CPEB1: variants seen among roughly 807,000 people sequenced by gnomAD.
CPEB1 encodes the protein cytoplasmic polyadenylation element-binding protein 1.
CPEB1 carries 7 observed loss-of-function variants against 65.8 expected under a neutral mutation model. That is an observed-to-expected ratio of 0.11 (90% CI 0.06 to 0.20). The LOEUF (loss-of-function observed/expected upper bound fraction) is 0.20, where lower values mean the gene tolerates loss of function less well. Among genes scored for constraint, CPEB1 ranks in the 10% least tolerant of loss-of-function variants. CPEB1 has a pLI of 1.00. For missense variants in CPEB1, 551 were observed against 712.2 expected, an observed-to-expected ratio of 0.77 and a Z score of 2.58; for synonymous variants, 262 against 260.0, an observed-to-expected ratio of 1.01 and a Z score of -0.08.
chr15:82,578,487 G>A (rs775567244), intron 3 of CPEB1, among the ~76,000 whole-genome samples: 8 of 152,138 alleles, frequency 5.3e-5, no homozygotes, highest in Non-Finnish European at 8.8e-5. Context: ...CAAGTTGGTG[G>A]GCACAGTGGT....
chr15:82,598,682 G>A (rs2042864715), intron 3 of CPEB1, among the ~76,000 whole-genome samples: 1 of 152,110 alleles, frequency 6.6e-6, no homozygotes, highest in Non-Finnish European at 1.5e-5. Flanking sequence ...CTACTTGGGA[G>A]GCTGAGGCAG....
At chr15:82,591,270 GT>G (rs1009600718) in intron 3 of CPEB1, among the ~76,000 whole-genome samples, 11 of 151,930 alleles carry the variant, frequency 7.2e-5, no homozygotes, top group Non-Finnish European at 1.5e-5. Flanking sequence ...TTTTTGTTTT[GT>G]TGTGTTGTGA....
At chr15:82,636,906 C>T (rs1193117040) in intron 1 of CPEB1, among the ~76,000 whole-genome samples, 3 of 152,198 alleles carry the variant, frequency 2.0e-5, no homozygotes, top group African/African-American at 7.2e-5. Context: ...CCTCTTCTCC[C>T]TGTCAAAATT....
chr15:82,591,632 CT>C (rs1463665239), intron 3 of CPEB1, among the ~76,000 whole-genome samples: 1 of 152,122 alleles, frequency 6.6e-6, no homozygotes, highest in Non-Finnish European at 1.5e-5. Context: ...ACATGTATGT[CT>C]TCTTTTGAAA....
chr15:82,556,639 TC>T (rs977884839), intron 5 of CPEB1: 3 of 152,568 alleles, frequency 2.0e-5, no homozygotes, highest in Non-Finnish European at 2.9e-5. Flanking sequence ...TCAAAATAAC[TC>T]GTTGACAGAA....
At chr15:82,553,602 T>TC in intron 7 of CPEB1, 46 bp from the exon 8 acceptor site, 1 of 1,395,668 alleles carries the variant, frequency 7.2e-7, no homozygotes, top group Non-Finnish European at 1.0e-6. Flanking sequence ...GAACCATCTT[T>TC]CCCAGTAAAG....
chr15:82,606,511 G>A (rs2043616233), intron 3 of CPEB1, among the ~76,000 whole-genome samples: 1 of 140,336 alleles, frequency 7.1e-6, no homozygotes, highest in Admixed American at 7.2e-5. Flanking sequence ...CATGCGCTAA[G>A]AAAATAACTT....
At position 82,627,183 on chromosome 15, in the gene CPEB1, C is replaced by T. The variant is rs949879994; in HGVS notation, c.271+10G>A. 1.9e-6 allele frequency: 3 copies of T among 1,607,554 alleles called. No individual in the cohort carries two copies. Among genetic ancestry groups the T allele is most frequent in the African/African-American group, 2.7e-5 (2 of 74,750 alleles). ...TGCCTACCACGTTCAAGTTTTCAAA[C>T]CTAAATCACCTGGCAAATGATCATG... On this transcript the variant is annotated intron_variant, in intron 3 of 12. Coordinates refer to ENST00000684509, the MANE Select transcript of CPEB1 (RefSeq NM_001365242.1).
chr15:82,622,281 G>C (rs2045368675), intron 3 of CPEB1, among the ~76,000 whole-genome samples: 1 of 152,078 alleles, frequency 6.6e-6, no homozygotes, highest in South Asian at 2.1e-4. Flanking sequence ...CATGCAACAA[G>C]GGCCTTCTTG....
intron 3 of CPEB1, among the ~76,000 whole-genome samples, chr15:82,585,271 A>G (rs1326722818): frequency 2.6e-5 from 4 of 152,168 alleles, no homozygotes; most frequent in Non-Finnish European, 5.9e-5. Context: ...AAATGATGCA[A>G]CATATCTACG....
At position 82,625,024 on chromosome 15, in the gene CPEB1, G is replaced by A. The variant is rs1471136062; in HGVS notation, c.271+2169C>T. 5.3e-5 allele frequency among the ~76,000 whole-genome samples: 8 copies of A among 152,062 alleles called. No individual in the cohort carries two copies. The East Asian group carries it at 1.4e-3, about 26-fold the overall frequency. On this transcript the variant is annotated intron_variant, in intron 3 of 12. Transcript: ENST00000684509. ...AATTTTTCTATTTTTTTGTAAACGG[G>A]GTTTCACCATGTTGCCCAGGCTGGT...
chr15:82,619,154 T>C (rs895054992), intron 3 of CPEB1, among the ~76,000 whole-genome samples: 4 of 152,204 alleles, frequency 2.6e-5, no homozygotes, highest in African/African-American at 9.7e-5. Context: ...GTACATATAC[T>C]ATGGATGCCT....
At chr15:82,647,930 G>C (rs919536788), upstream of CPEB1, 1 of 1,207,822 alleles carries the variant, frequency 8.3e-7, no homozygotes, top group African/African-American at 1.6e-5. Flanking sequence ...GGCGAGAGAC[G>C]CGCACGCACG....
intron 4 of CPEB1, among the ~76,000 whole-genome samples, chr15:82,560,136 G>A (rs2037951194): frequency 6.6e-6 from 1 of 152,132 alleles, no homozygotes; most frequent in African/African-American, 2.4e-5. Context: ...ATCAAAGCCT[G>A]TAGAGTCCAT....
intron 1 of CPEB1, among the ~76,000 whole-genome samples, chr15:82,635,123 G>C (rs1186941451): frequency 6.6e-6 from 1 of 152,164 alleles, no homozygotes; most frequent in East Asian, 1.9e-4. Context: ...CCAAAGTGCT[G>C]GGATTACAGG....
At chr15:82,592,205 C>A (rs553603598) in intron 3 of CPEB1, among the ~76,000 whole-genome samples, 1 of 151,926 alleles carries the variant, frequency 6.6e-6, no homozygotes, top group Non-Finnish European at 1.5e-5. Flanking sequence ...ATGGGTATAC[C>A]CTGGAGACAC....
At chr15:82,564,214 C>T (rs947935993) in intron 4 of CPEB1, among the ~76,000 whole-genome samples, 2 of 152,180 alleles carry the variant, frequency 1.3e-5, no homozygotes, top group African/African-American at 4.8e-5. Context: ...TTCCATAGAG[C>T]CAGTACGCTA....
intron 11 of CPEB1, among the ~76,000 whole-genome samples, chr15:82,546,786 T>C (rs1401966943): frequency 6.6e-6 from 1 of 152,148 alleles, no homozygotes; most frequent in African/African-American, 2.4e-5. Context: ...CCTGGTCTTC[T>C]AGGCAAACTG....
intron 4 of CPEB1, chr15:82,562,373 C>A: frequency 3.0e-6 from 1 of 329,830 alleles, no homozygotes; most frequent in Non-Finnish European, 6.0e-6. Context: ...GGTCCCACCC[C>A]AGACCTGAAT....
Sources: gnomAD v4.1 joint callset for allele counts (sites outside exome capture counted in the v4.1 genomes callset) on GRCh38, gnomAD v4.1.1 for gene constraint, MANE v1.5 for transcripts, NCBI Gene and HGNC (gene_info 2026-07-23, HGNC 2026-07-21) for gene names.